RAD51B: variants seen among roughly 807,000 people sequenced by gnomAD.
RAD51B encodes the protein DNA repair protein RAD51 homolog 2.
A neutral mutation model predicts 42.2 loss-of-function variants in RAD51B; 38 were observed. That is an observed-to-expected ratio of 0.90 (90% CI 0.70 to 1.18). The LOEUF (loss-of-function observed/expected upper bound fraction) is 1.18. Among genes scored for constraint, RAD51B ranks in the 50% most tolerant of loss-of-function variants. The probability of loss-of-function intolerance (pLI) is 0.00; values close to 1 mark genes in which losing one functional copy is unlikely to be tolerated. For missense variants in RAD51B, 373 were observed against 400.7 expected, an observed-to-expected ratio of 0.93 and a Z score of 0.59; for synonymous variants, 154 against 145.2, an observed-to-expected ratio of 1.06 and a Z score of -0.43.
intron 8 of RAD51B, among the ~76,000 whole-genome samples, chr14:68,358,001 G>A (rs1321559811): frequency 6.6e-6 from 1 of 152,158 alleles, no homozygotes; most frequent in East Asian, 1.9e-4. Flanking sequence ...TTTCAATGTT[G>A]TCGTGTCTCA....
At chr14:68,340,428 G>A (rs1247465368) in intron 8 of RAD51B, among the ~76,000 whole-genome samples, 1 of 152,186 alleles carries the variant, frequency 6.6e-6, no homozygotes, top group Non-Finnish European at 1.5e-5. Flanking sequence ...CTGAGAGTTT[G>A]ACACCTCTGG....
chr14:67,986,042 CTGTG>C (rs2075185572), intron 7 of RAD51B, among the ~76,000 whole-genome samples: 1 of 151,886 alleles, frequency 6.6e-6, no homozygotes. Flanking sequence ...TAGTTTAATT[CTGTG>C]TGTGTATGTG....
intron 7 of RAD51B, among the ~76,000 whole-genome samples, chr14:68,115,687 A>G (rs2077535168): frequency 6.6e-6 from 1 of 152,130 alleles, no homozygotes. Flanking sequence ...TCCCAGAAAA[A>G]GAAGGTCATA....
intron 10 of RAD51B, among the ~76,000 whole-genome samples, chr14:68,581,134 TA>T (rs2140058749): frequency 6.6e-6 from 1 of 152,288 alleles, no homozygotes; most frequent in East Asian, 1.9e-4. Flanking sequence ...TAAGATGGGA[TA>T]GGGGGAGGGC....
At chr14:68,430,929 A>G (rs111467470) in intron 9 of RAD51B, among the ~76,000 whole-genome samples, 3 of 152,186 alleles carry the variant, frequency 2.0e-5, no homozygotes, top group Non-Finnish European at 2.9e-5. Context: ...TGTCCCATCA[A>G]TACCTAATTT....
At position 68,342,030 on chromosome 14, in the gene RAD51B, C is replaced by T. The variant is rs534434350; in HGVS notation, c.853+50050C>T. ...TCCAGATGCTTTTTTCATATTCACT[C>T]TAATTCCCTAGGTTACAACTAATTA... On this transcript the variant is annotated intron_variant, in intron 8 of 10. Coordinates refer to ENST00000471583, the MANE Select transcript of RAD51B (RefSeq NM_133510.4). Among the ~76,000 whole-genome samples the T allele has an allele frequency of 2.6e-5, 4 of 152,248 alleles. No individual in the cohort carries two copies. The South Asian group carries it at 8.3e-4, about 32-fold the overall frequency.
In RAD51B at chr14:67,910,763, C is replaced by T. The variant is rs989877193; in HGVS notation, c.756+23559C>T. ...TTGAAATAATAATTCTCCTTTACAA[C>T]GTTAGGGCTGAATAAAAGATAGAAT... On this transcript the variant is annotated intron_variant, in intron 7 of 10. Coordinates refer to ENST00000471583, the MANE Select transcript of RAD51B (RefSeq NM_133510.4). Among the ~76,000 whole-genome samples the T allele has an allele frequency of 3.8e-4, 58 of 151,254 alleles. 1 individual carries two copies. Among genetic ancestry groups the T allele is most frequent in the Non-Finnish European group, 4.4e-5 (3 of 67,876 alleles).
chr14:68,251,571 A>G (rs2080634803), intron 7 of RAD51B, among the ~76,000 whole-genome samples: 1 of 152,194 alleles, frequency 6.6e-6, no homozygotes, highest in Non-Finnish European at 1.5e-5. Flanking sequence ...TCCCATGATG[A>G]GCTTTAGTCT....
intron 9 of RAD51B, among the ~76,000 whole-genome samples, chr14:68,426,783 A>G (rs906082327): frequency 3.9e-5 from 6 of 152,154 alleles, no homozygotes; most frequent in Admixed American, 2.6e-4. Context: ...GCCAGATACT[A>G]TTCATCAAGA....
chr14:68,432,187 G>A (rs997355050), intron 9 of RAD51B, among the ~76,000 whole-genome samples: 6 of 152,142 alleles, frequency 3.9e-5, no homozygotes, highest in African/African-American at 1.4e-4. Flanking sequence ...GGTCAATTTT[G>A]GAATAAGTAT....
At chr14:68,106,497 A>G (rs573857254) in intron 7 of RAD51B, among the ~76,000 whole-genome samples, 2 of 151,988 alleles carry the variant, frequency 1.3e-5, no homozygotes, top group East Asian at 3.9e-4. Flanking sequence ...TCCATATTCA[A>G]CAATGTCAAG....
chr14:68,085,862 C>T (rs2140500655), intron 7 of RAD51B, among the ~76,000 whole-genome samples: 1 of 152,268 alleles, frequency 6.6e-6, no homozygotes, highest in South Asian at 2.1e-4. Flanking sequence ...TCCTGCTGCT[C>T]AAACCTCTAG....
rs140150522 is a variant in RAD51B, at chr14:67,988,824, A to G, written c.756+101620A>G. On this transcript the variant is annotated intron_variant, in intron 7 of 10. Transcript: ENST00000471583. ...TTATATGTGATGACATTTGATTACT[A>G]TACACTTAGACTATTATAATGTGGT... Among the ~76,000 whole-genome samples the G allele has an allele frequency of 4.6e-3, 702 of 152,304 alleles. 8 individuals carry two copies. The highest frequency in any genetic ancestry group is 0.016 in the African/African-American group (658 of 41,560).
At chr14:68,054,099 A>G (rs1299947239) in intron 7 of RAD51B, among the ~76,000 whole-genome samples, 1 of 152,230 alleles carries the variant, frequency 6.6e-6, no homozygotes, top group Non-Finnish European at 1.5e-5. Flanking sequence ...TTATACAAAC[A>G]TGATGTAATT....
chr14:68,085,100 G>A (rs1237594520), intron 7 of RAD51B, among the ~76,000 whole-genome samples: 1 of 152,194 alleles, frequency 6.6e-6, no homozygotes, highest in Non-Finnish European at 1.5e-5. Context: ...CCTTTCTTTT[G>A]GAATAGGAGC....
In RAD51B at chr14:68,219,113, C is replaced by T. The variant is rs541394176; in HGVS notation, c.757-72771C>T. Among the ~76,000 whole-genome samples the T allele has an allele frequency of 1.1e-4, 17 of 152,328 alleles. No individual in the cohort carries two copies. In the South Asian group the frequency reaches 3.3e-3, roughly 30 times the overall value. The stretch of plus-strand genomic sequence containing the variant: ...TAAATAGCTAAAACTCCCGGCAGAG[C>T]AGCATAGCTGACAGAGCACCATAAT... On this transcript the variant is annotated intron_variant, in intron 7 of 10. Transcript: ENST00000471583.
chr14:68,594,441 A>G, intron 10 of RAD51B: 1 of 1,352,722 alleles, frequency 7.4e-7, no homozygotes, highest in African/African-American at 1.5e-5. Context: ...GAGAAAGGCA[A>G]AAGGGCCTAG....
intron 7 of RAD51B, among the ~76,000 whole-genome samples, chr14:68,154,310 C>T (rs1305741766): frequency 6.6e-6 from 1 of 152,126 alleles, no homozygotes; most frequent in Middle Eastern, 3.2e-3. Context: ...CTAATCATTC[C>T]CCACCATCAA....
intron 7 of RAD51B, among the ~76,000 whole-genome samples, chr14:67,918,960 A>C (rs1055601659): frequency 3.9e-5 from 6 of 152,196 alleles, no homozygotes; most frequent in African/African-American, 1.4e-4. Context: ...AAAATGGGGA[A>C]TGTAACACTG....
Sources: allele counts gnomAD v4.1 joint callset (sites outside exome capture counted in the v4.1 genomes callset), GRCh38; gene constraint gnomAD v4.1.1; transcripts MANE v1.5; gene names NCBI Gene and HGNC (gene_info 2026-07-23, HGNC 2026-07-21).